Variants in PTPRD observed in about 807,000 individuals in gnomAD.
The protein encoded by PTPRD is receptor-type tyrosine-protein phosphatase delta.
PTPRD carries 34 observed loss-of-function variants against 214.5 expected under a neutral mutation model. The observed-to-expected ratio is 0.16, with a 90% CI of 0.12 to 0.21. The LOEUF is 0.21. Among genes scored for constraint, PTPRD ranks in the 10% least tolerant of loss-of-function variants. The probability of loss-of-function intolerance (pLI) is 1.00; values close to 1 mark genes in which losing one functional copy is unlikely to be tolerated. For synonymous variants in PTPRD, 1,128 were observed against 845.7 expected, an observed-to-expected ratio of 1.33 and a Z score of -5.79; for missense variants, 2,545 against 2,398.7, an observed-to-expected ratio of 1.06 and a Z score of -1.27.
In PTPRD at chr9:8,504,311, T is replaced by C; in HGVS notation, c.1772A>G (p.Gln591Arg). The part of the protein sequence containing the change: ...YYFRLAARSP[Q>R]GLGASTAEIS... ...TTCTGCAGTAGAAGCACCCAGGCCT[T>C]GAGGGGAGCGTGCAGCCAGACGGAA... Residue 591 changes from glutamine (Q) to arginine (R), a missense_variant, in exon 23 of 46, where the codon CAA (glutamine) becomes CGA (arginine). Gln to Arg is a conservative substitution (Grantham distance 43, BLOSUM62 1). Transcript: ENST00000381196. 1 of 1,614,102 alleles carries C rather than the reference T, an allele frequency of 6.2e-7. No individual in the cohort carries two copies. The highest frequency in any genetic ancestry group is 8.5e-7 in the Non-Finnish European group (1 of 1,179,986).
chr9:9,755,731 G>A (rs2098563293), intron 6 of PTPRD, among the ~76,000 whole-genome samples: 2 of 152,000 alleles, frequency 1.3e-5, no homozygotes, highest in Admixed American at 6.6e-5. Flanking sequence ...AAAAACACCT[G>A]AGGTTCTGAT....
At chr9:9,520,739 T>C (rs1377203898) in intron 8 of PTPRD, among the ~76,000 whole-genome samples, 1 of 152,184 alleles carries the variant, frequency 6.6e-6, no homozygotes, top group African/African-American at 2.4e-5. Context: ...CTCATTTTAA[T>C]TGAATGCCAA....
At chr9:10,404,166 C>CA (rs756075141) in intron 2 of PTPRD, among the ~76,000 whole-genome samples, 1 of 151,522 alleles carries the variant, frequency 6.6e-6, no homozygotes, top group Non-Finnish European at 1.5e-5. Context: ...ATAAAGTTGA[C>CA]AAAAAAATTT....
chr9:9,163,367 T>G (rs934962221), intron 10 of PTPRD, among the ~76,000 whole-genome samples: 21 of 152,114 alleles, frequency 1.4e-4, no homozygotes, highest in Admixed American at 7.9e-4. Context: ...CACACTTAAT[T>G]GTCCTCTTGT....
At chr9:8,597,196 G>C (rs1025380090) in intron 14 of PTPRD, among the ~76,000 whole-genome samples, 10 of 152,126 alleles carry the variant, frequency 6.6e-5, no homozygotes, top group African/African-American at 2.4e-4. Flanking sequence ...TTTAACCCTG[G>C]AAGAGCAGTC....
chr9:9,013,050 G>C (rs2099518278), intron 11 of PTPRD, among the ~76,000 whole-genome samples: 1 of 152,094 alleles, frequency 6.6e-6, no homozygotes, highest in Admixed American at 6.6e-5. Context: ...ACGTTAAAGG[G>C]GGGGATGCAG....
At chr9:9,026,904 T>C (rs1005647664) in intron 10 of PTPRD, among the ~76,000 whole-genome samples, 2 of 151,834 alleles carry the variant, frequency 1.3e-5, no homozygotes, top group South Asian at 4.2e-4. Flanking sequence ...AGAAAGCAAG[T>C]TTCAATTCAC....
At chr9:8,555,013 C>A (rs751152292) in intron 14 of PTPRD, among the ~76,000 whole-genome samples, 3 of 152,058 alleles carry the variant, frequency 2.0e-5, no homozygotes, top group Non-Finnish European at 4.4e-5. Flanking sequence ...AATTGTTCCT[C>A]CAGATACTTG....
intron 2 of PTPRD, among the ~76,000 whole-genome samples, chr9:10,362,409 T>A (rs1318691415): frequency 1.3e-5 from 2 of 151,390 alleles, no homozygotes; most frequent in Admixed American, 6.6e-5. Flanking sequence ...CTGGCTCCAG[T>A]ATATCAAAAG....
intron 3 of PTPRD, among the ~76,000 whole-genome samples, chr9:10,166,076 T>C (rs2099157210): frequency 1.3e-5 from 2 of 150,116 alleles, no homozygotes; most frequent in Admixed American, 6.7e-5. Flanking sequence ...TAATGCATAA[T>C]ATATAAATAC....
At chr9:9,216,157 T>C (rs977998640) in intron 9 of PTPRD, among the ~76,000 whole-genome samples, 1 of 152,170 alleles carries the variant, frequency 6.6e-6, no homozygotes, top group Non-Finnish European at 1.5e-5. Flanking sequence ...GGGATTATAA[T>C]AGGGACTACC....
intron 3 of PTPRD, among the ~76,000 whole-genome samples, chr9:10,087,130 TTTTAGAG>T (rs1030412414): frequency 1.1e-4 from 13 of 122,198 alleles, no homozygotes; most frequent in Non-Finnish European, 1.9e-4. Context: ...CTCAAATATG[TTTTAGAG>T]TTTTTTTTTT....
At chr9:8,465,808 C>A in intron 31 of PTPRD, 133 bp from the exon 32 acceptor site, 1 of 684,706 alleles carries the variant, frequency 1.5e-6, no homozygotes, top group Non-Finnish European at 2.4e-6. Flanking sequence ...TATAGCACAT[C>A]AGCATCACTA....
chr9:8,618,845 T>A (rs1292056513), intron 14 of PTPRD, among the ~76,000 whole-genome samples: 1 of 149,456 alleles, frequency 6.7e-6, no homozygotes, highest in African/African-American at 2.5e-5. Context: ...TACAGGTGCA[T>A]GCCACCACAC....
At chr9:9,435,917 G>A (rs985070726) in intron 8 of PTPRD, among the ~76,000 whole-genome samples, 2 of 152,110 alleles carry the variant, frequency 1.3e-5, no homozygotes, top group African/African-American at 4.8e-5. Flanking sequence ...GGCACAAAAA[G>A]TAAATAGTGT....
At chr9:9,393,640 A>G (rs2066679428) in intron 9 of PTPRD, among the ~76,000 whole-genome samples, 1 of 152,166 alleles carries the variant, frequency 6.6e-6, no homozygotes, top group African/African-American at 2.4e-5. Context: ...TTCCATAGCA[A>G]CAGATAATTG....
At chr9:8,531,996 T>C (rs775034438) in intron 14 of PTPRD, among the ~76,000 whole-genome samples, 5 of 152,030 alleles carry the variant, frequency 3.3e-5, no homozygotes, top group African/African-American at 4.8e-5. Flanking sequence ...CCTTTTCATA[T>C]ACACGAGTGC....
chr9:9,297,903 C>T (rs1953713006), intron 9 of PTPRD, among the ~76,000 whole-genome samples: 1 of 151,540 alleles, frequency 6.6e-6, no homozygotes, highest in South Asian at 2.1e-4. Context: ...ATCATATAAT[C>T]CTTACACAGC....
chr9:8,624,072 G>A (rs563504235), intron 14 of PTPRD, among the ~76,000 whole-genome samples: 1 of 151,962 alleles, frequency 6.6e-6, no homozygotes, highest in Middle Eastern at 3.4e-3. Flanking sequence ...TCATAGAACA[G>A]AAATAATATT....
Sources: gnomAD v4.1 joint callset for allele counts (sites outside exome capture counted in the v4.1 genomes callset) on GRCh38, gnomAD v4.1.1 for gene constraint, MANE v1.5 for transcripts, NCBI Gene and HGNC (gene_info 2026-07-23, HGNC 2026-07-21) for gene names.